The following LRP1B variants were observed in gnomAD, a reference collection of about 807,000 sequenced individuals.
LRP1B encodes the protein LDL receptor related protein 1B.
LRP1B carries 217 observed loss-of-function variants against 556.6 expected under a neutral mutation model. That is an observed-to-expected ratio of 0.39 (90% CI 0.35 to 0.44). The LOEUF is 0.44. Ranked by LOEUF, LRP1B falls within the 20% of genes least tolerant of loss-of-function variation. LRP1B has a pLI of 1.00. For missense variants in LRP1B, 5,053 were observed against 5,620.8 expected, an observed-to-expected ratio of 0.90 and a Z score of 3.23; for synonymous variants, 2,047 against 1,865.8, an observed-to-expected ratio of 1.10 and a Z score of -2.50.
intron 2 of LRP1B, among the ~76,000 whole-genome samples, chr2:141,695,880 A>G (rs1186333869): frequency 6.6e-6 from 1 of 151,988 alleles, no homozygotes; most frequent in Admixed American, 6.6e-5. Context: ...ATTTTGTACT[A>G]TAAGCACAAT....
chr2:141,907,236 AATTT>A (rs1411785217), intron 1 of LRP1B, among the ~76,000 whole-genome samples: 1 of 151,944 alleles, frequency 6.6e-6, no homozygotes, highest in Non-Finnish European at 1.5e-5. Flanking sequence ...TATTCAAAAT[AATTT>A]ATTTTAAATG....
At chr2:141,087,528 G>A (rs1308710512) in intron 7 of LRP1B, among the ~76,000 whole-genome samples, 3 of 152,106 alleles carry the variant, frequency 2.0e-5, no homozygotes, top group African/African-American at 4.8e-5. Context: ...GCACCTACTA[G>A]GAGACAGCAA....
chr2:141,674,477 T>C (rs943407043), intron 2 of LRP1B, among the ~76,000 whole-genome samples: 4 of 152,088 alleles, frequency 2.6e-5, no homozygotes, highest in African/African-American at 9.6e-5. Context: ...TTGTATTCAA[T>C]ACTATAAGTT....
intron 1 of LRP1B, among the ~76,000 whole-genome samples, chr2:142,077,868 A>C (rs1165514777): frequency 1.3e-5 from 2 of 152,112 alleles, no homozygotes; most frequent in Non-Finnish European, 2.9e-5. Context: ...TTAATGGTGA[A>C]ACTAAAATAT....
chr2:141,293,413 A>G (rs1686053210), intron 3 of LRP1B, among the ~76,000 whole-genome samples: 1 of 152,204 alleles, frequency 6.6e-6, no homozygotes, highest in African/African-American at 2.4e-5. Context: ...AATGCTATGA[A>G]CATCCATGAA....
intron 41 of LRP1B, among the ~76,000 whole-genome samples, chr2:140,690,346 G>C (rs1311718310): frequency 6.6e-6 from 1 of 151,666 alleles, no homozygotes; most frequent in Admixed American, 6.6e-5. Flanking sequence ...TCACTCTTCC[G>C]GGTCTAACCT....
chr2:141,243,096 C>T (rs1364370086), intron 5 of LRP1B, among the ~76,000 whole-genome samples: 1 of 151,728 alleles, frequency 6.6e-6, no homozygotes, highest in Non-Finnish European at 1.5e-5. Context: ...AGAAGTTTTA[C>T]TGGGTACCTA....
In LRP1B at chr2:141,820,826, G is replaced by A. The variant is rs1022372284; in HGVS notation, c.83-10425C>T. ...TGAAATTGACTAAAATTGAATAAGA[G>A]CCCCATGGCAGGCTGAATAATGGGA... On this transcript the variant is annotated intron_variant, in intron 1 of 90. Transcript: ENST00000389484. 9.8e-5 allele frequency among the ~76,000 whole-genome samples: 15 copies of A among 152,288 alleles called. No individual in the cohort carries two copies. In the South Asian group the frequency reaches 1.2e-3, roughly 13 times the overall value.
At chr2:140,285,551 C>T (rs1683111624) in intron 84 of LRP1B, among the ~76,000 whole-genome samples, 1 of 151,464 alleles carries the variant, frequency 6.6e-6, no homozygotes, top group East Asian at 1.9e-4. Context: ...TAGCAAGGAT[C>T]CCCTGGTTAA....
intron 2 of LRP1B, among the ~76,000 whole-genome samples, chr2:141,649,016 G>A (rs2105376018): frequency 6.6e-6 from 1 of 152,328 alleles, no homozygotes; most frequent in Non-Finnish European, 1.5e-5. Flanking sequence ...ACTTAGTTTA[G>A]GCAGATGAAG....
chr2:141,144,597 A>G (rs1701735900), intron 7 of LRP1B, among the ~76,000 whole-genome samples: 1 of 152,174 alleles, frequency 6.6e-6, no homozygotes, highest in Non-Finnish European at 1.5e-5. Flanking sequence ...TGGTCACTTT[A>G]TAACCATACA....
At chr2:140,666,078 C>T (rs182007375) in intron 41 of LRP1B, among the ~76,000 whole-genome samples, 200 of 151,668 alleles carry the variant, frequency 1.3e-3, no homozygotes, top group African/African-American at 4.2e-3. Flanking sequence ...ACTGCAACCT[C>T]TGCCCTCCAA....
intron 67 of LRP1B, among the ~76,000 whole-genome samples, chr2:140,382,398 A>G (rs1683553577): frequency 1.3e-5 from 2 of 152,186 alleles, no homozygotes; most frequent in African/African-American, 4.8e-5. Context: ...GATGGCATAT[A>G]TGACATATTT....
chr2:141,087,735 G>C (rs755547748), intron 7 of LRP1B, among the ~76,000 whole-genome samples: 1 of 152,194 alleles, frequency 6.6e-6, no homozygotes, highest in African/African-American at 2.4e-5. Context: ...GTGGAAACTT[G>C]AAGGGCAAGT....
At chr2:140,872,774 G>A (rs1327683277) in intron 25 of LRP1B, among the ~76,000 whole-genome samples, 1 of 151,222 alleles carries the variant, frequency 6.6e-6, no homozygotes, top group East Asian at 1.9e-4. Flanking sequence ...CCTTTAATAT[G>A]AAAAATTAAG....
In LRP1B at chr2:141,035,367, TAATAATAAA is replaced by T. The variant is rs1260861497; in HGVS notation, c.1789+13610_1789+13618del. Among the ~76,000 whole-genome samples, 1,494 of 151,684 alleles carry T rather than the reference TAATAATAAA, an allele frequency of 9.8e-3. 25 individuals are homozygous for T. Among genetic ancestry groups the T allele is most frequent in the African/African-American group, 0.033 (1,358 of 41,394 alleles). ...ACTTGAAGTACAATAATAATAATAA[TAATAATAAA>T]AAAATCTTTTCAGTATTGTTATAGA... On this transcript the variant is annotated intron_variant, in intron 11 of 90. Transcript: ENST00000389484.
Position 140,420,414 on chromosome 2 carries a change from C to CAAAT in LRP1B, c.10414+22086_10414+22089dup, listed in dbSNP as rs541656582. Among the ~76,000 whole-genome samples, 435 of 152,258 alleles carry CAAAT rather than the reference C, an allele frequency of 2.9e-3. 4 individuals are homozygous for CAAAT. Among genetic ancestry groups the CAAAT allele is most frequent in the African/African-American group, 0.01 (416 of 41,542 alleles). ...AAGGATGTGTAGGAATTGCAATTCT[C>CAAAT]AAATACTGCTAGTGGAAATGTAAAA... is the stretch of plus-strand genomic sequence containing the variant. On this transcript the variant is annotated intron_variant, in intron 66 of 90. Transcript: ENST00000389484.
At chr2:141,580,719 A>G (rs1036132274) in intron 2 of LRP1B, among the ~76,000 whole-genome samples, 2 of 152,238 alleles carry the variant, frequency 1.3e-5, no homozygotes, top group East Asian at 1.9e-4. Context: ...ACCTAAACAC[A>G]ACAGACTGCA....
intron 2 of LRP1B, among the ~76,000 whole-genome samples, chr2:141,728,455 T>C (rs1482490442): frequency 3.3e-5 from 5 of 152,078 alleles, no homozygotes. Flanking sequence ...TCCTTTCTAT[T>C]TTACTTTTTT....
Sources: gnomAD v4.1 joint callset for allele counts (sites outside exome capture counted in the v4.1 genomes callset) on GRCh38, gnomAD v4.1.1 for gene constraint, MANE v1.5 for transcripts, NCBI Gene and HGNC (gene_info 2026-07-23, HGNC 2026-07-21) for gene names.